FAT1: variants seen among roughly 807,000 people sequenced by gnomAD.
FAT1 encodes the protein FAT atypical cadherin 1.
FAT1 carries 171 observed loss-of-function variants against 329.8 expected under a neutral mutation model. The observed-to-expected ratio is 0.52, with a 90% CI of 0.46 to 0.59. The LOEUF (loss-of-function observed/expected upper bound fraction) is 0.59, where lower values mean the gene tolerates loss of function less well. Ranked by LOEUF, FAT1 falls within the 20% of genes least tolerant of loss-of-function variation. The pLI, the probability that FAT1 is intolerant of heterozygous loss-of-function variation, is 0.00. For synonymous variants in FAT1, 2,233 were observed against 2,228.6 expected, an observed-to-expected ratio of 1.00 and a Z score of -0.06; for missense variants, 5,672 against 5,774.4, an observed-to-expected ratio of 0.98 and a Z score of 0.57.
intron 20 of FAT1, chr4:186,601,773 A>C (rs1738829598): frequency 5.8e-6 from 1 of 173,092 alleles, no homozygotes; most frequent in Non-Finnish European, 1.2e-5. Context: ...AAGCAAAATA[A>C]AACAATCCCC....
intron 14 of FAT1, 125 bp from the exon 15 acceptor site, chr4:186,610,140 C>T (rs1470227476): frequency 2.8e-5 from 17 of 603,500 alleles, no homozygotes; most frequent in Admixed American, 9.3e-5. Flanking sequence ...TTACCATTTA[C>T]GTATGTTTCC....
chr4:186,595,616 G>T, intron 26 of FAT1, 73 bp downstream of exon 26: 1 of 1,541,728 alleles, frequency 6.5e-7, no homozygotes, highest in Admixed American at 1.7e-5. Context: ...TAGATAGTGC[G>T]TCTACATTGT....
In FAT1 at chr4:186,643,023, T is replaced by G. The variant is rs181537038; in HGVS notation, c.3581-3240A>C. 1.4e-3 allele frequency among the ~76,000 whole-genome samples: 208 copies of G among 152,294 alleles called. 2 individuals are homozygous for G. Among genetic ancestry groups the G allele is most frequent in the Non-Finnish European group, 7.4e-5 (5 of 68,024 alleles). ...GATTGTCTCACATGTAACTGTAAAC[T>G]AGAGAGAAGACGAAGATGTAGACTT... On this transcript the variant is annotated intron_variant, in intron 3 of 26. Coordinates refer to ENST00000441802, the MANE Select transcript of FAT1 (RefSeq NM_005245.4).
Position 186,707,990 on chromosome 4 carries a change from T to A in FAT1, c.1838A>T (p.Asp613Val). The A allele has an allele frequency of 6.2e-7, 1 of 1,613,878 alleles. No individual in the cohort carries two copies. The highest frequency in any genetic ancestry group is 1.7e-5 in the Admixed American group (1 of 60,006). The change falls in exon 2 of 27, where the codon GAT becomes GTT. Residue 613 changes from aspartate to valine, a missense_variant. This residue lies in a region of FAT1 where 3,966 missense variants were observed against 3,915.2 expected (regional missense o/e 1.01). Coordinates refer to ENST00000441802, the MANE Select transcript of FAT1 (RefSeq NM_005245.4). ...QYQIEAGNEL[D>V]FFSLNPNSGV... ...CGAGTTGGGGTTTAAACTAAAGAAA[T>A]CCAGTTCATTTCCAGCTTCAATCTG...
chr4:186,689,985 T>C (rs1475627415), intron 2 of FAT1, among the ~76,000 whole-genome samples: 3 of 152,178 alleles, frequency 2.0e-5, no homozygotes, highest in African/African-American at 7.2e-5. Flanking sequence ...AACTTTCCTA[T>C]CATTTTTTCT....
At chr4:186,644,246 G>C (rs539124204) in intron 3 of FAT1, among the ~76,000 whole-genome samples, 10 of 152,212 alleles carry the variant, frequency 6.6e-5, no homozygotes, top group East Asian at 1.9e-4. Context: ...GAAAAAACCA[G>C]GAATGACTCA....
At chr4:186,634,642 T>G (rs1428906943) in intron 6 of FAT1, among the ~76,000 whole-genome samples, 1 of 147,930 alleles carries the variant, frequency 6.8e-6, no homozygotes, top group Non-Finnish European at 1.5e-5. Context: ...AGATAGTCAC[T>G]GGAAATAAAA....
At position 186,681,555 on chromosome 4, in the gene FAT1, ACAAGGGACCG is replaced by A. The variant is rs1166727999; in HGVS notation, c.3266-17952_3266-17943del. Among the ~76,000 whole-genome samples, 11 of 152,342 alleles carry A rather than the reference ACAAGGGACCG, an allele frequency of 7.2e-5. No homozygotes were observed. In the South Asian group the frequency reaches 2.3e-3, roughly 32 times the overall value. ...AGCCCAGGTGACATTCCTTATCAAG[ACAAGGGACCG>A]GCATTAGCAGTGCTCTAAAGTGAAA... On this transcript the variant is annotated intron_variant, in intron 2 of 26. Transcript: ENST00000441802.
chr4:186,683,158 C>G (rs1469220328), intron 2 of FAT1, among the ~76,000 whole-genome samples: 3 of 152,192 alleles, frequency 2.0e-5, no homozygotes, highest in Non-Finnish European at 4.4e-5. Context: ...GCTCTTCGTT[C>G]TTGTCATTCA....
chr4:186,593,796 C>A (rs1738356101), intron 26 of FAT1, among the ~76,000 whole-genome samples: 1 of 152,106 alleles, frequency 6.6e-6, no homozygotes, highest in Admixed American at 6.5e-5. Context: ...CTGTGAGACA[C>A]AGGGGTTGGG....
intron 2 of FAT1, among the ~76,000 whole-genome samples, chr4:186,694,478 G>A (rs185323766): frequency 9.8e-4 from 150 of 152,286 alleles, no homozygotes; most frequent in African/African-American, 3.5e-3. Context: ...GAACAAATGA[G>A]TTTTTAAAAA....
At position 186,708,676 on chromosome 4, in the gene FAT1, T is replaced by A. The variant is rs2126698223; in HGVS notation, c.1152A>T (p.Thr384=). Residue 384 remains threonine, a synonymous_variant, in exon 2 of 27, where the codon ACA becomes ACT. Transcript: ENST00000441802. The stretch of plus-strand genomic sequence containing the variant: ...GAATGGCCTTTACCATGACCACAGG[T>A]GTGTTGGGAGGAGCAAATTCACTTA... ...AEISEFAPPN[T]PVVMVKAIPA... 6.2e-7 allele frequency: 1 copy of A among 1,613,850 alleles called. No homozygotes were observed. The highest frequency in any genetic ancestry group is 8.5e-7 in the Non-Finnish European group (1 of 1,179,880).
intron 3 of FAT1, 43 bp from the exon 4 acceptor site, chr4:186,639,826 C>T: frequency 6.7e-7 from 1 of 1,494,258 alleles, no homozygotes; most frequent in South Asian, 1.2e-5. Flanking sequence ...AAAATAAGGT[C>T]AATTACAAAA....
intron 9 of FAT1, 142 bp downstream of exon 9, chr4:186,628,012 G>T: frequency 2.2e-6 from 2 of 890,452 alleles, no homozygotes; most frequent in Non-Finnish European, 3.3e-6. Context: ...CTCCTAACAT[G>T]TAAAATTGTA....
At chr4:186,643,053 T>G (rs899372058) in intron 3 of FAT1, among the ~76,000 whole-genome samples, 7 of 152,200 alleles carry the variant, frequency 4.6e-5, no homozygotes, top group Non-Finnish European at 8.8e-5. Flanking sequence ...AGACTTCCAC[T>G]AACAAATACA....
In FAT1 at chr4:186,597,962, A is replaced by T. The variant is rs77814178; in HGVS notation, c.12257+10T>A. The T allele has an allele frequency of 1.5e-3, 2,427 of 1,592,712 alleles. 34 individuals carry two copies. In the African/African-American group the frequency reaches 0.028, roughly 19 times the overall value. On this transcript the variant is annotated intron_variant, in intron 23 of 26. Coordinates refer to ENST00000441802, the MANE Select transcript of FAT1 (RefSeq NM_005245.4). ...CAATTGATTATGAAAGTTAAGAAAA[A>T]TACACATACCTCTGACCAGTATATA...
intron 3 of FAT1, among the ~76,000 whole-genome samples, chr4:186,643,767 G>C (rs988277974): frequency 9.9e-5 from 15 of 151,552 alleles, no homozygotes; most frequent in African/African-American, 3.6e-4. Flanking sequence ...ACGCCTCTGT[G>C]AGCATCACTC....
At chr4:186,669,550 G>A (rs1296155036) in intron 2 of FAT1, among the ~76,000 whole-genome samples, 3 of 152,244 alleles carry the variant, frequency 2.0e-5, no homozygotes, top group East Asian at 1.9e-4. Context: ...TGAAAAATCC[G>A]AAAGAAGCCG....
chr4:186,643,898 TAGTA>T (rs1026725989), intron 3 of FAT1, among the ~76,000 whole-genome samples: 93 of 151,468 alleles, frequency 6.1e-4, no homozygotes, highest in African/African-American at 1.5e-4. Context: ...GTAAGTGTCC[TAGTA>T]AGTATGTCCA....
Sources: allele counts gnomAD v4.1 joint callset (sites outside exome capture counted in the v4.1 genomes callset), GRCh38; gene constraint gnomAD v4.1.1; regional missense constraint gnomAD v4.1.1; transcripts MANE v1.5; gene names NCBI Gene and HGNC (gene_info 2026-07-23, HGNC 2026-07-21).